Variants in YES1 observed in about 807,000 individuals in gnomAD.
YES1 encodes the protein YES proto-oncogene 1, Src family tyrosine kinase, also known as tyrosine-protein kinase Yes.
In YES1, 39 loss-of-function variants were observed where a neutral mutation model predicts 70.4. That is an observed-to-expected ratio of 0.55 (90% confidence interval 0.43 to 0.72). YES1 has a LOEUF of 0.72. YES1 is among the 30% of genes least tolerant of loss of function. YES1 has a pLI of 0.00. For missense variants in YES1, 495 were observed against 644.8 expected (o/e 0.77, Z 2.52); for synonymous variants, 198 against 218.6 (o/e 0.91, Z 0.83).
chr18:804,168 A>C (rs544445203), intron 1 of YES1, among the ~76,000 whole-genome samples: 1 of 152,354 alleles, frequency 6.6e-6, no homozygotes, highest in East Asian at 1.9e-4. Flanking sequence ...TCAATTAAAA[A>C]AATTAAATGT....
At chr18:787,263 C>T (rs1282607232) in intron 1 of YES1, among the ~76,000 whole-genome samples, 1 of 151,178 alleles carries the variant, frequency 6.6e-6, no homozygotes, top group African/African-American at 2.4e-5. Flanking sequence ...CCAAGCCCGG[C>T]TAATTTTTGT....
chr18:780,996 C>T (rs1032848856), intron 1 of YES1, among the ~76,000 whole-genome samples: 12 of 152,080 alleles, frequency 7.9e-5, no homozygotes, highest in African/African-American at 2.4e-4. Flanking sequence ...TGGCCAGGGG[C>T]GGTGGCTCAC....
Position 743,300 on chromosome 18 carries a change from C to A in YES1, c.840G>T (p.Glu280Asp). The change falls in exon 7 of 12, where the codon GAG becomes GAT. Residue 280 changes from glutamate (E) to aspartate (D), a missense_variant. By Grantham distance (45) the Glu-to-Asp change is conservative. This residue lies in a region of YES1 where 385 missense variants were observed against 540.9 expected (regional missense o/e 0.71). Transcript: ENST00000314574. Reference protein sequence around the residue: ...WEIPRESLRLEVKLGQGCFGE... With the variant: ...WEIPRESLRLDVKLGQGCFGE... The stretch of plus-strand genomic sequence containing the variant: ...CGAAACATCCTTGTCCTAGTTTAAC[C>A]TCTAGTCGCAAAGATTCTCGAGGGA... 6.2e-7 allele frequency: 1 copy of A among 1,612,226 alleles called. No individual in the cohort carries two copies.
intron 2 of YES1, among the ~76,000 whole-genome samples, chr18:754,574 G>A (rs777841481): frequency 1.3e-5 from 2 of 151,998 alleles, no homozygotes; most frequent in African/African-American, 4.8e-5. Context: ...CGGGTGCCGT[G>A]GTGTTTGTTT....
intron 1 of YES1, among the ~76,000 whole-genome samples, chr18:811,874 G>C (rs1181856749): frequency 6.6e-6 from 1 of 152,130 alleles, no homozygotes; most frequent in East Asian, 1.9e-4. Context: ...ACTTGGGCGG[G>C]ACCCGGCAGG....
chr18:791,731 A>T (rs1906259526), intron 1 of YES1, among the ~76,000 whole-genome samples: 1 of 152,208 alleles, frequency 6.6e-6, no homozygotes, highest in Non-Finnish European at 1.5e-5. Context: ...TAGTTGAATT[A>T]TTCTACATTC....
chr18:765,385 T>C (rs2145764831), intron 1 of YES1, among the ~76,000 whole-genome samples: 1 of 149,478 alleles, frequency 6.7e-6, no homozygotes, highest in South Asian at 2.1e-4. Flanking sequence ...TTTGAAGTAT[T>C]TTATAATTTA....
chr18:749,000 A>C (rs1460512283), intron 3 of YES1, among the ~76,000 whole-genome samples: 2 of 152,028 alleles, frequency 1.3e-5, no homozygotes, highest in African/African-American at 4.8e-5. Context: ...GTCTCTACTA[A>C]AAACACAAAA....
Position 787,077 on chromosome 18 carries a change from TG to T in YES1, c.-9+25036del, listed in dbSNP as rs1373979647. Among the ~76,000 whole-genome samples the T allele has an allele frequency of 1.6e-3, 187 of 113,584 alleles. 9 individuals carry two copies. Among genetic ancestry groups the T allele is most frequent in the African/African-American group, 6.1e-3 (178 of 29,188 alleles). The allele number at this position is 113,584 out of a possible 152,430, so 74.5% of individuals were successfully genotyped here. On this transcript the variant is annotated intron_variant, in intron 1 of 11. Transcript: ENST00000314574. The stretch of plus-strand genomic sequence containing the variant: ...TTTTTTAAAAAACTGTGATACATAC[TG>T]TCTTTTTTTTTTTTTTTTTTTTTTT...
At position 739,763 on chromosome 18, in the gene YES1, A is replaced by T. The variant is rs1219769338; in HGVS notation, c.1109T>A (p.Leu370His). The change falls in exon 9 of 12, where the codon CTT (leucine) becomes CAT (histidine). Residue 370 changes from leucine (L) to histidine (H), a missense_variant. Leu to His is a moderately conservative substitution (Grantham distance 99). This residue lies in a region of YES1 where 385 missense variants were observed against 540.9 expected (regional missense o/e 0.71). Coordinates refer to ENST00000314574, the MANE Select transcript of YES1 (RefSeq NM_005433.4). ...AGCAGCCATATCAACCAGCTGTGGAAGCTTCAAATACTTTCCATCTCCTTC... is the reference window on the plus strand; with the variant it reads ...AGCAGCCATATCAACCAGCTGTGGATGCTTCAAATACTTTCCATCTCCTTC... Reference protein sequence around the residue: ...LKEGDGKYLKLPQLVDMAAQI... With the variant: ...LKEGDGKYLKHPQLVDMAAQI... The T allele has an allele frequency of 6.2e-7, 1 of 1,612,856 alleles. No homozygotes were observed.
intron 1 of YES1, among the ~76,000 whole-genome samples, chr18:764,742 CT>C (rs1247339861): frequency 6.6e-6 from 1 of 151,540 alleles, no homozygotes; most frequent in East Asian, 1.9e-4. Context: ...TTTTTTCTCT[CT>C]TTTTTTTGAG....
chr18:737,188 C>T (rs2080163881), intron 9 of YES1: 1 of 436,850 alleles, frequency 2.3e-6, no homozygotes, highest in Non-Finnish European at 4.1e-6. Flanking sequence ...TGCGGTGGCC[C>T]ACACCTATAA....
intron 1 of YES1, among the ~76,000 whole-genome samples, chr18:811,192 A>G (rs1318428326): frequency 1.3e-5 from 2 of 152,236 alleles, no homozygotes; most frequent in Admixed American, 6.5e-5. Flanking sequence ...ACGTATATAC[A>G]TAATAAATGG....
In YES1 at chr18:721,791, A is replaced by G. The variant is rs1295928883; in HGVS notation, c.*2633T>C. ...TTTTATTTCAATTATCCACAAAACA[A>G]TATTACAATACTTTATAAAAATATT... On this transcript the variant is annotated 3_prime_UTR_variant, in exon 12 of 12. Transcript: ENST00000314574. The G allele has an allele frequency of 6.6e-6, 1 of 152,518 alleles. No individual in the cohort carries two copies. Among genetic ancestry groups the G allele is most frequent in the Admixed American group, 6.5e-5 (1 of 15,282 alleles). The allele number at this position is 152,518 out of a possible 1,614,324, so 9.4% of individuals were successfully genotyped here.
chr18:765,908 T>C (rs1044005840), intron 1 of YES1, among the ~76,000 whole-genome samples: 3 of 152,262 alleles, frequency 2.0e-5, no homozygotes, highest in East Asian at 3.9e-4. Flanking sequence ...TTGCAGTAAG[T>C]TGAAGAATAA....
At chr18:747,683 A>G (rs1419559470) in intron 4 of YES1, among the ~76,000 whole-genome samples, 5 of 152,202 alleles carry the variant, frequency 3.3e-5, no homozygotes, top group African/African-American at 9.7e-5. Flanking sequence ...GTGAAAACAT[A>G]AAAGAGAGAG....
rs187286701 is a variant in YES1, at chr18:796,217, T to C, written c.-9+15897A>G. On this transcript the variant is annotated intron_variant, in intron 1 of 11. Transcript: ENST00000314574. ...AATCACAGCCTCATGGTTAAGGGTATAGGCTCTGGAGTCACAAAGTTAGGT... is the reference window on the plus strand; with the variant it reads ...AATCACAGCCTCATGGTTAAGGGTACAGGCTCTGGAGTCACAAAGTTAGGT... Among the ~76,000 whole-genome samples, 58 of 152,302 alleles carry C rather than the reference T, an allele frequency of 3.8e-4. 1 individual carries two copies. The highest frequency in any genetic ancestry group is 1.3e-3 in the African/African-American group (56 of 41,570).
chr18:768,420 T>C (rs542811371), intron 1 of YES1, among the ~76,000 whole-genome samples: 2 of 152,362 alleles, frequency 1.3e-5, no homozygotes, highest in African/African-American at 2.4e-5. Flanking sequence ...TGTGGTATTT[T>C]ATTTATTTGG....
At chr18:760,894 CAT>C (rs1316621206) in intron 1 of YES1, among the ~76,000 whole-genome samples, 2 of 152,098 alleles carry the variant, frequency 1.3e-5, no homozygotes, top group Non-Finnish European at 2.9e-5. Context: ...TAAATGTACA[CAT>C]GTGGAATCTG....
Sources: allele counts gnomAD v4.1 joint callset (sites outside exome capture counted in the v4.1 genomes callset), GRCh38; gene constraint gnomAD v4.1.1; regional missense constraint gnomAD v4.1.1; transcripts MANE v1.5; gene names NCBI Gene and HGNC (gene_info 2026-07-23, HGNC 2026-07-21).